PSD3: variants seen among roughly 807,000 people sequenced by gnomAD.
The protein encoded by PSD3 is pleckstrin and Sec7 domain containing 3.
A neutral mutation model predicts 105.5 loss-of-function variants in PSD3; 49 were observed. The observed-to-expected ratio is 0.46, with a 90% CI of 0.37 to 0.59. The LOEUF (loss-of-function observed/expected upper bound fraction) is 0.59, where lower values mean the gene tolerates loss of function less well. Among genes scored for constraint, PSD3 ranks in the 20% least tolerant of loss-of-function variants. The pLI, the probability that PSD3 is intolerant of heterozygous loss-of-function variation, is 0.00. For synonymous variants in PSD3, 557 were observed against 457.8 expected, an observed-to-expected ratio of 1.22 and a Z score of -2.77; for missense variants, 1,561 against 1,263.8, an observed-to-expected ratio of 1.24 and a Z score of -3.57.
At chr8:18,768,873 A>C (rs886490602) in intron 8 of PSD3, among the ~76,000 whole-genome samples, 6 of 152,230 alleles carry the variant, frequency 3.9e-5, no homozygotes, top group African/African-American at 1.4e-4. Flanking sequence ...CACTGAAAAA[A>C]ATGGTTTGAC....
chr8:18,864,828 T>G (rs945815316), intron 4 of PSD3: 1 of 152,120 alleles, frequency 6.6e-6, no homozygotes, highest in Non-Finnish European at 1.5e-5. Flanking sequence ...GTCCACTTCC[T>G]TGCCTCGGCA....
intron 1 of PSD3, among the ~76,000 whole-genome samples, chr8:18,943,800 G>A (rs556821492): frequency 6.6e-6 from 1 of 152,156 alleles, no homozygotes; most frequent in African/African-American, 2.4e-5. Context: ...AGATACCATA[G>A]CGGAAACTGG....
intron 11 of PSD3, among the ~76,000 whole-genome samples, chr8:18,602,479 A>G (rs1443070291): frequency 6.6e-6 from 1 of 152,082 alleles, no homozygotes; most frequent in East Asian, 1.9e-4. Context: ...TTGGCCAGTT[A>G]CAATTTAGTA....
intron 9 of PSD3, among the ~76,000 whole-genome samples, chr8:18,675,634 A>G (rs958861767): frequency 3.9e-5 from 6 of 152,196 alleles, no homozygotes; most frequent in African/African-American, 1.4e-4. Flanking sequence ...AATTCCACCG[A>G]TATCAGGTGA....
chr8:18,856,558 CG>C (rs1168624454), intron 4 of PSD3, among the ~76,000 whole-genome samples: 7 of 152,148 alleles, frequency 4.6e-5, no homozygotes, highest in African/African-American at 7.2e-5. Flanking sequence ...AGGATTGCTT[CG>C]CAATAGTAAC....
intron 4 of PSD3, among the ~76,000 whole-genome samples, chr8:18,807,940 A>G (rs1811341890): frequency 6.6e-6 from 1 of 152,148 alleles, no homozygotes; most frequent in East Asian, 1.9e-4. Context: ...CCTCCTGTCT[A>G]TGATGTAAAC....
At chr8:19,077,665 T>A (rs1400264377) in intron 1 of PSD3, among the ~76,000 whole-genome samples, 3 of 152,242 alleles carry the variant, frequency 2.0e-5, no homozygotes, top group African/African-American at 7.2e-5. Context: ...GAAGCTAATA[T>A]ACATTTTATA....
intron 1 of PSD3, among the ~76,000 whole-genome samples, chr8:18,963,165 C>G (rs1249921649): frequency 6.6e-6 from 1 of 152,158 alleles, no homozygotes; most frequent in African/African-American, 2.4e-5. Context: ...GACTTATTCA[C>G]TACTATGACA....
chr8:18,669,661 A>G (rs1022763743), intron 9 of PSD3, among the ~76,000 whole-genome samples: 1 of 152,240 alleles, frequency 6.6e-6, no homozygotes, highest in Non-Finnish European at 1.5e-5. Flanking sequence ...GCCGGATGGC[A>G]TGAGATTTAA....
chr8:18,935,878 C>T (rs1252986219), intron 2 of PSD3, among the ~76,000 whole-genome samples, 156 bp downstream of exon 2: 2 of 152,218 alleles, frequency 1.3e-5, no homozygotes, highest in African/African-American at 4.8e-5. Flanking sequence ...GAAATATTTG[C>T]GGATTCTACA....
At chr8:18,730,909 A>G (rs904386048) in intron 9 of PSD3, among the ~76,000 whole-genome samples, 5 of 152,230 alleles carry the variant, frequency 3.3e-5, no homozygotes, top group Non-Finnish European at 1.5e-5. Context: ...GCTACCAAAA[A>G]AAAAATCACA....
At chr8:18,961,286 C>A (rs1245143049) in intron 1 of PSD3, among the ~76,000 whole-genome samples, 4 of 152,128 alleles carry the variant, frequency 2.6e-5, no homozygotes, top group South Asian at 2.1e-4. Flanking sequence ...TCAATACTTA[C>A]GAGTCCACAG....
At chr8:18,559,411 T>G (rs566883129) in intron 14 of PSD3, among the ~76,000 whole-genome samples, 10 of 152,322 alleles carry the variant, frequency 6.6e-5, no homozygotes, top group African/African-American at 2.2e-4. Flanking sequence ...TTTCCTCTTC[T>G]GTGGATTACT....
chr8:18,612,282 C>T (rs1245367793), intron 11 of PSD3, among the ~76,000 whole-genome samples: 1 of 152,188 alleles, frequency 6.6e-6, no homozygotes, highest in African/African-American at 2.4e-5. Flanking sequence ...GATTCTGATG[C>T]TTTCAGTTAC....
At chr8:18,565,587 T>C (rs1214244432) in intron 14 of PSD3, among the ~76,000 whole-genome samples, 2 of 152,206 alleles carry the variant, frequency 1.3e-5, no homozygotes, top group South Asian at 2.1e-4. Flanking sequence ...AATCTTTTAA[T>C]TGAACGTCTA....
intron 9 of PSD3, among the ~76,000 whole-genome samples, chr8:18,739,354 T>A (rs185823622): frequency 6.6e-6 from 1 of 152,274 alleles, no homozygotes; most frequent in African/African-American, 2.4e-5. Flanking sequence ...ATAAACTCGC[T>A]GTTGAAATAC....
chr8:19,045,450 C>T (rs1350096813), intron 1 of PSD3, among the ~76,000 whole-genome samples: 1 of 152,144 alleles, frequency 6.6e-6, no homozygotes, highest in African/African-American at 2.4e-5. Flanking sequence ...AGCCAGCCGC[C>T]CTTGAACACA....
Position 18,907,423 on chromosome 8 carries a change from C to T in PSD3, c.130+28611G>A, listed in dbSNP as rs755922475. On this transcript the variant is annotated intron_variant, in intron 2 of 15. Transcript: ENST00000327040. Reference sequence around the variant, plus strand: ...ATCCTGGCCTCCAGTGATCCTCCCACCTTAGCCTCCCAAAGTTCTCAGATT... The same window carrying T: ...ATCCTGGCCTCCAGTGATCCTCCCATCTTAGCCTCCCAAAGTTCTCAGATT... Among the ~76,000 whole-genome samples, 89 of 152,310 alleles carry T rather than the reference C, an allele frequency of 5.8e-4. 1 individual carries two copies. The highest frequency in any genetic ancestry group is 1.2e-3 in the Admixed American group (18 of 15,292).
At chr8:18,821,842 C>G (rs1586131534) in intron 4 of PSD3, among the ~76,000 whole-genome samples, 1 of 102,340 alleles carries the variant, frequency 9.8e-6, no homozygotes, top group Non-Finnish European at 1.9e-5. Context: ...AGGGAATACC[C>G]ACACACACAT....
Sources: allele counts gnomAD v4.1 joint callset (sites outside exome capture counted in the v4.1 genomes callset), GRCh38; gene constraint gnomAD v4.1.1; transcripts MANE v1.5; gene names NCBI Gene and HGNC (gene_info 2026-07-23, HGNC 2026-07-21).